Variants in MMP16 observed in about 807,000 individuals in gnomAD.
MMP16 encodes matrix metalloproteinase-16.
Under a neutral mutation model 67.8 loss-of-function variants are expected in MMP16, and 12 were observed. The observed-to-expected ratio is 0.18, with a 90% CI of 0.11 to 0.29. The LOEUF (loss-of-function observed/expected upper bound fraction) is 0.29. Ranked by LOEUF, MMP16 falls within the 10% of genes least tolerant of loss-of-function variation. MMP16 has a pLI of 1.00. For synonymous variants in MMP16, 249 were observed against 255.9 expected, an observed-to-expected ratio of 0.97 and a Z score of 0.26; for missense variants, 475 against 765.7, an observed-to-expected ratio of 0.62 and a Z score of 4.48.
chr8:88,176,537 T>C (rs1808893330), intron 3 of MMP16, among the ~76,000 whole-genome samples: 1 of 152,256 alleles, frequency 6.6e-6, no homozygotes, highest in South Asian at 2.1e-4. Context: ...TTTACAGCTC[T>C]GTAGCTGATT....
At chr8:88,272,954 GGAATAGAACACCA>G (rs1054649135) in intron 1 of MMP16, among the ~76,000 whole-genome samples, 4 of 151,296 alleles carry the variant, frequency 2.6e-5, no homozygotes, top group African/African-American at 9.7e-5. Context: ...AAAGAGAACT[GGAATAGAACACCA>G]GACCTCAGTT....
At chr8:88,050,263 C>T (rs1390821918) in intron 8 of MMP16, among the ~76,000 whole-genome samples, 1 of 152,182 alleles carries the variant, frequency 6.6e-6, no homozygotes, top group Non-Finnish European at 1.5e-5. Context: ...GCGAAGGTTG[C>T]AGCGAGCCGA....
intron 4 of MMP16, among the ~76,000 whole-genome samples, chr8:88,149,079 T>C (rs531104382): frequency 1.1e-4 from 17 of 152,284 alleles, no homozygotes; most frequent in South Asian, 2.1e-4. Flanking sequence ...GTTCCCTTTC[T>C]GAGTCAAAGA....
intron 1 of MMP16, among the ~76,000 whole-genome samples, chr8:88,310,434 G>A (rs572899684): frequency 8.6e-5 from 13 of 152,022 alleles, no homozygotes; most frequent in Non-Finnish European, 1.8e-4. Flanking sequence ...TAAGGTAAAG[G>A]CACCATACTG....
chr8:88,143,504 T>C (rs1174766424), intron 4 of MMP16, among the ~76,000 whole-genome samples: 1 of 152,092 alleles, frequency 6.6e-6, no homozygotes, highest in Non-Finnish European at 1.5e-5. Context: ...GTTTATTCTG[T>C]AAAGTACATC....
rs79462834 is a variant in MMP16 at position 88,193,336 on chromosome 8, A to G, written c.281+3822T>C. ...CAAATATTGCATTGCATGTTTTCACATATGTGGGAGCTAAAAAACAAAACA... is the reference window on the plus strand; with the variant it reads ...CAAATATTGCATTGCATGTTTTCACGTATGTGGGAGCTAAAAAACAAAACA... On this transcript the variant is annotated intron_variant, in intron 2 of 9. Transcript: ENST00000286614. Among the ~76,000 whole-genome samples the G allele has an allele frequency of 8.0e-3, 1,218 of 152,244 alleles. 13 individuals carry two copies. Among genetic ancestry groups the G allele is most frequent in the Non-Finnish European group, 0.013 (886 of 67,990 alleles).
intron 1 of MMP16, among the ~76,000 whole-genome samples, chr8:88,283,358 TA>T (rs1279584915): frequency 1.4e-4 from 21 of 152,334 alleles, no homozygotes; most frequent in African/African-American, 5.1e-4. Flanking sequence ...CTTCTGGGTA[TA>T]GGTGCTGAAG....
intron 4 of MMP16, among the ~76,000 whole-genome samples, chr8:88,144,739 T>C (rs866620751): frequency 6.6e-6 from 1 of 151,928 alleles, no homozygotes; most frequent in Non-Finnish European, 1.5e-5. Flanking sequence ...AATAACTCAG[T>C]GTTAAATAAA....
chr8:88,143,439 C>T (rs1808243736), intron 4 of MMP16, among the ~76,000 whole-genome samples: 1 of 152,010 alleles, frequency 6.6e-6, no homozygotes. Flanking sequence ...TGAGTAAAAT[C>T]ATTGTTTTAG....
chr8:88,108,038 G>T (rs181269002), intron 6 of MMP16, among the ~76,000 whole-genome samples: 14 of 151,160 alleles, frequency 9.3e-5, no homozygotes, highest in Admixed American at 8.6e-4. Context: ...GGTGGAATAT[G>T]AAACTTTTAT....
chr8:88,235,307 G>A (rs1204788819), intron 1 of MMP16, among the ~76,000 whole-genome samples: 2 of 150,308 alleles, frequency 1.3e-5, no homozygotes, highest in Admixed American at 6.7e-5. Context: ...CAGGAGAATC[G>A]CTTGAACCTG....
At chr8:88,259,578 T>C (rs1373028589) in intron 1 of MMP16, among the ~76,000 whole-genome samples, 1 of 148,652 alleles carries the variant, frequency 6.7e-6, no homozygotes, top group East Asian at 2.0e-4. Context: ...TTATGTTTAA[T>C]AGCCAAGCAA....
chr8:88,258,762 A>G (rs1421121495), intron 1 of MMP16, among the ~76,000 whole-genome samples: 1 of 152,202 alleles, frequency 6.6e-6, no homozygotes, highest in Non-Finnish European at 1.5e-5. Context: ...CTATCTCAAT[A>G]ACTTAGAAAT....
chr8:88,097,513 T>C (rs58021485), intron 6 of MMP16, among the ~76,000 whole-genome samples: 27,446 of 150,076 alleles, frequency 0.18, 2,913 homozygotes, highest in Middle Eastern at 0.26. Flanking sequence ...GTAGTCTTGG[T>C]TACTTGGTAG....
chr8:88,287,792 G>A (rs1274956920), intron 1 of MMP16, among the ~76,000 whole-genome samples: 1 of 152,168 alleles, frequency 6.6e-6, no homozygotes, highest in Non-Finnish European at 1.5e-5. Context: ...CCAGAGCTTT[G>A]AGTAATCAGG....
At chr8:88,320,814 G>T (rs1262940225) in intron 1 of MMP16, among the ~76,000 whole-genome samples, 1 of 151,990 alleles carries the variant, frequency 6.6e-6, no homozygotes, top group Non-Finnish European at 1.5e-5. Flanking sequence ...CAAAGGTTAG[G>T]GGCTACACTT....
At chr8:88,181,440 C>A (rs1266293354) in intron 3 of MMP16, among the ~76,000 whole-genome samples, 1 of 151,394 alleles carries the variant, frequency 6.6e-6, no homozygotes, top group Non-Finnish European at 1.5e-5. Flanking sequence ...TAAATTAGCA[C>A]CAGAAAAGTA....
chr8:88,239,997 G>C (rs1563571271), intron 1 of MMP16, among the ~76,000 whole-genome samples: 1 of 152,136 alleles, frequency 6.6e-6, no homozygotes, highest in African/African-American at 2.4e-5. Context: ...AATGCTGCCG[G>C]CCTTGAGGTC....
intron 6 of MMP16, among the ~76,000 whole-genome samples, chr8:88,075,871 T>G (rs1243729667): frequency 1.3e-5 from 2 of 151,646 alleles, no homozygotes; most frequent in Non-Finnish European, 2.9e-5. Context: ...GACCTTCTCA[T>G]GCTTTTGGCC....
Sources: allele counts gnomAD v4.1 joint callset (sites outside exome capture counted in the v4.1 genomes callset), GRCh38; gene constraint gnomAD v4.1.1; transcripts MANE v1.5; gene names NCBI Gene and HGNC (gene_info 2026-07-23, HGNC 2026-07-21).